Variants in PALM2AKAP2 observed in about 807,000 individuals in gnomAD.
The protein encoded by PALM2AKAP2 is PALM2 and AKAP2 fusion.
A neutral mutation model predicts 71.5 loss-of-function variants in PALM2AKAP2; 37 were observed. The ratio of observed to expected loss-of-function variants is 0.52; its 90% CI spans 0.40 to 0.68. The LOEUF is 0.68. PALM2AKAP2 is among the 30% of genes least tolerant of loss of function. The probability of loss-of-function intolerance (pLI) is 0.00; values close to 1 mark genes in which losing one functional copy is unlikely to be tolerated. For synonymous variants in PALM2AKAP2, 468 were observed against 478.8 expected (o/e 0.98, Z 0.29); for missense variants, 1,224 against 1,191.8 (o/e 1.03, Z -0.40).
chr9:110,032,033 G>A (rs1037729362), intron 7 of PALM2AKAP2, among the ~76,000 whole-genome samples: 1 of 137,132 alleles, frequency 7.3e-6, no homozygotes, highest in African/African-American at 2.8e-5. Context: ...AGCCTTCTCA[G>A]TAAATAAGCA....
chr9:109,826,605 T>G (rs1195820249), intron 1 of PALM2AKAP2, among the ~76,000 whole-genome samples: 1 of 152,172 alleles, frequency 6.6e-6, no homozygotes, highest in African/African-American at 2.4e-5. Context: ...TGTTTATGAC[T>G]TAGGTAGTTT....
At chr9:109,665,163 C>T (rs559318624) in intron 1 of PALM2AKAP2, among the ~76,000 whole-genome samples, 1 of 152,152 alleles carries the variant, frequency 6.6e-6, no homozygotes, top group African/African-American at 2.4e-5. Flanking sequence ...TTGTTATTAC[C>T]GACCTTCTGA....
chr9:110,044,049 A>G, upstream of PALM2AKAP2, among the ~76,000 whole-genome samples: 1 of 151,990 alleles, frequency 6.6e-6, no homozygotes, highest in East Asian at 1.9e-4. Flanking sequence ...AGGAGTTGGT[A>G]GTTTTCTTCA....
intron 1 of PALM2AKAP2, among the ~76,000 whole-genome samples, chr9:109,642,100 A>G (rs1054349435): frequency 6.6e-6 from 1 of 152,294 alleles, no homozygotes; most frequent in Non-Finnish European, 1.5e-5. Flanking sequence ...TGAGAGGATC[A>G]TGTAATATCT....
chr9:110,072,075 C>G (rs1297435743), intron 1 of PALM2AKAP2, among the ~76,000 whole-genome samples: 1 of 152,142 alleles, frequency 6.6e-6, no homozygotes, highest in Non-Finnish European at 1.5e-5. Context: ...TTTCTCTGAA[C>G]CAGTATAACC....
intron 1 of PALM2AKAP2, among the ~76,000 whole-genome samples, chr9:109,735,497 C>T (rs143154370): frequency 6.8e-4 from 103 of 152,084 alleles, no homozygotes; most frequent in African/African-American, 2.4e-3. Context: ...AGCCCTGAGT[C>T]CAGTAACTTT....
In PALM2AKAP2 at chr9:110,138,027, G is replaced by C. The variant is rs976901694; in HGVS notation, c.2057G>C (p.Gly686Ala). Residue 686 changes from glycine (G) to alanine (A), a missense_variant, in exon 2 of 4, where the codon GGA (glycine) becomes GCA (alanine). By Grantham distance (60) the Gly-to-Ala change is moderately conservative. Transcript: ENST00000374525. ...GCTGTGTCCAAAACCAGCAGGGATG[G>C]AGCAGAGCAACAGGGACCTGAAGCG... 7.4e-6 allele frequency: 12 copies of C among 1,613,908 alleles called. No homozygotes were observed. Among genetic ancestry groups the C allele is most frequent in the Non-Finnish European group, 8.5e-6 (10 of 1,179,900 alleles).
intron 3 of PALM2AKAP2, among the ~76,000 whole-genome samples, chr9:109,886,812 C>G (rs145601597): frequency 1.3e-5 from 2 of 152,240 alleles, no homozygotes; most frequent in Admixed American, 6.5e-5. Context: ...GGAAACGGGT[C>G]AGAGTGGAGG....
At chr9:109,729,537 C>G (rs1330777237) in intron 1 of PALM2AKAP2, among the ~76,000 whole-genome samples, 4 of 152,122 alleles carry the variant, frequency 2.6e-5, no homozygotes, top group Non-Finnish European at 5.9e-5. Context: ...ATTGAGGAAG[C>G]AAATATTAAT....
At chr9:110,090,684 T>G (rs1287803333) in intron 1 of PALM2AKAP2, among the ~76,000 whole-genome samples, 1 of 152,256 alleles carries the variant, frequency 6.6e-6, no homozygotes, top group Non-Finnish European at 1.5e-5. Flanking sequence ...ATAAAAATGC[T>G]GATCTGCTTC....
chr9:109,843,166 C>CA (rs1252496978), intron 1 of PALM2AKAP2, among the ~76,000 whole-genome samples: 1 of 63,174 alleles, frequency 1.6e-5, no homozygotes, highest in African/African-American at 6.7e-5. Context: ...AAAAATCGAA[C>CA]AATTAGCTGG....
intron 1 of PALM2AKAP2, among the ~76,000 whole-genome samples, chr9:109,667,610 T>C (rs1193212577): frequency 6.6e-6 from 1 of 151,874 alleles, no homozygotes; most frequent in African/African-American, 2.4e-5. Flanking sequence ...GCCAACATGG[T>C]GAAACCCCAT....
At chr9:110,164,508 T>G (rs905151994) in intron 3 of PALM2AKAP2, among the ~76,000 whole-genome samples, 2 of 149,800 alleles carry the variant, frequency 1.3e-5, no homozygotes, top group Admixed American at 6.7e-5. Context: ...CAATAAAACT[T>G]TGTTTATTTA....
chr9:109,894,024 TAAAAAA>T lies in PALM2AKAP2; in HGVS notation c.257+13359_257+13364del, dbSNP rs552808725. Among the ~76,000 whole-genome samples, 152 of 132,862 alleles carry T rather than the reference TAAAAAA, an allele frequency of 1.1e-3. 1 individual carries two copies. The highest frequency in any genetic ancestry group is 2.1e-3 in the Non-Finnish European group (132 of 62,914). The allele number at this position is 132,862 out of a possible 152,430, so 87.2% of individuals were successfully genotyped here. A position where few individuals can be genotyped will look rare whatever the true frequency, so the allele number is the denominator to read the frequency against. The stretch of plus-strand genomic sequence containing the variant: ...CTTTTCTGCTTTCCAGTTGCTTATT[TAAAAAA>T]AAAAAAAAAAAAAAAGAAGCATCTG... On this transcript the variant is annotated intron_variant, in intron 3 of 9. Coordinates refer to the PALM2AKAP2 transcript ENST00000302798.
At chr9:110,020,860 A>G (rs532324581) in intron 7 of PALM2AKAP2, among the ~76,000 whole-genome samples, 1 of 151,922 alleles carries the variant, frequency 6.6e-6, no homozygotes, top group African/African-American at 2.4e-5. Flanking sequence ...CTGTAATCCA[A>G]GCACTGGGAG....
intron 1 of PALM2AKAP2, among the ~76,000 whole-genome samples, chr9:110,050,362 G>T (rs941396918): frequency 1.3e-5 from 2 of 152,092 alleles, no homozygotes. Context: ...GTTCATTTAA[G>T]CATCACACTT....
intron 1 of PALM2AKAP2, among the ~76,000 whole-genome samples, chr9:109,721,586 T>C (rs911133848): frequency 1.3e-5 from 2 of 152,234 alleles, no homozygotes; most frequent in South Asian, 2.1e-4. Context: ...TGGGTTTTCA[T>C]TGGCTAATTA....
chr9:109,649,838 CA>C (rs1040940207), intron 1 of PALM2AKAP2, among the ~76,000 whole-genome samples: 2 of 152,122 alleles, frequency 1.3e-5, no homozygotes, highest in Non-Finnish European at 2.9e-5. Context: ...ATCTTCTGTT[CA>C]AAAAAGTTGT....
chr9:109,800,498 G>A lies in PALM2AKAP2; in HGVS notation c.45+19965G>A, dbSNP rs147637910. Among the ~76,000 whole-genome samples, 121 of 152,232 alleles carry A rather than the reference G, an allele frequency of 7.9e-4. 2 individuals carry two copies. In the East Asian group the frequency reaches 0.021, roughly 26 times the overall value. On this transcript the variant is annotated intron_variant, in intron 1 of 9. Coordinates refer to the PALM2AKAP2 transcript ENST00000302798. Reference sequence around the variant, plus strand: ...CCAAACCCATGCAAATGACCCCTCCGGGTTTGGCAATTAAACGACTCACAT... The same window carrying A: ...CCAAACCCATGCAAATGACCCCTCCAGGTTTGGCAATTAAACGACTCACAT...
Sources: gnomAD v4.1 joint callset for allele counts (sites outside exome capture counted in the v4.1 genomes callset) on GRCh38, gnomAD v4.1.1 for gene constraint, MANE v1.5 for transcripts, NCBI Gene and HGNC (gene_info 2026-07-23, HGNC 2026-07-21) for gene names.